Variants in LRRC34 observed in about 807,000 individuals in gnomAD.
LRRC34 encodes leucine rich repeat containing 34, also known as leucine-rich repeat-containing protein 34.
In LRRC34, 44 loss-of-function variants were observed where a neutral mutation model predicts 48.5. The ratio of observed to expected loss-of-function variants is 0.91; its 90% CI spans 0.71 to 1.17. LRRC34 has a LOEUF of 1.17. Ranked by LOEUF, LRRC34 falls within the 50% of genes most tolerant of loss-of-function variation. The pLI is 0.00. For synonymous variants in LRRC34, 192 were observed against 197.6 expected, an observed-to-expected ratio of 0.97 and a Z score of 0.24; for missense variants, 502 against 563.0, an observed-to-expected ratio of 0.89 and a Z score of 1.10.
chr3:169,801,347 G>C (rs1779181661), intron 6 of LRRC34, among the ~76,000 whole-genome samples: 1 of 152,014 alleles, frequency 6.6e-6, no homozygotes, highest in South Asian at 2.1e-4. Flanking sequence ...AGATTCTGCT[G>C]CCTCCAAAAG....
chr3:169,810,661 C>T (rs10936601), intron 1 of LRRC34, among the ~76,000 whole-genome samples: 56,279 of 152,080 alleles, frequency 0.37, 11,771 homozygotes, highest in East Asian at 0.68. Context: ...TCAAGTAAGT[C>T]TGAGAAGTAC....
In LRRC34 at chr3:169,793,033, A is replaced by C. The variant is rs1778849128; in HGVS notation, c.*602T>G. Among the ~76,000 whole-genome samples the C allele has an allele frequency of 6.6e-6, 1 of 152,196 alleles. No homozygotes were observed. On this transcript the variant is annotated 3_prime_UTR_variant, in exon 11 of 11. Coordinates refer to ENST00000446859, the MANE Select transcript of LRRC34 (RefSeq NM_001172779.2). ...TATACTGTATGCTTCCATTTATATA[A>C]AGGTCAAGAACAGGCAAAACTACTC...
At chr3:169,805,642 T>G (rs1779342607) in intron 5 of LRRC34, among the ~76,000 whole-genome samples, 1 of 152,064 alleles carries the variant, frequency 6.6e-6, no homozygotes, top group South Asian at 2.1e-4. Context: ...CCCAGCACTT[T>G]GGGAGGCCGA....
chr3:169,811,898 A>G (rs886251669), intron 1 of LRRC34, among the ~76,000 whole-genome samples: 63 of 152,184 alleles, frequency 4.1e-4, no homozygotes, highest in African/African-American at 1.3e-3. Flanking sequence ...AAACCAGCAT[A>G]TAAAACGGAA....
chr3:169,802,955 T>A (rs1449870631), intron 6 of LRRC34, among the ~76,000 whole-genome samples: 1 of 151,366 alleles, frequency 6.6e-6, no homozygotes, highest in Non-Finnish European at 1.5e-5. Flanking sequence ...CCAGCCTGGG[T>A]GACAAGAGTG....
At position 169,804,180 on chromosome 3, in the gene LRRC34, T is replaced by G. The variant is rs754723341; in HGVS notation, c.530A>C (p.Lys177Thr). Reference protein sequence around the residue: ...GGELIAKVLHKNRTLKYLRMT... With the variant: ...GGELIAKVLHTNRTLKYLRMT... ...TCTTAGGTATTTCAGAGTCCGATTCTTCTGAAAAGGAAAAAAAACTTATTT... is the reference window on the plus strand; with the variant it reads ...TCTTAGGTATTTCAGAGTCCGATTCGTCTGAAAAGGAAAAAAAACTTATTT... The change falls in exon 6 of 11, where the codon AAG becomes ACG. Residue 177 changes from lysine to threonine, a missense_variant and splice_region_variant. By Grantham distance (78) the Lys-to-Thr change is moderately conservative (BLOSUM62 -1). Transcript: ENST00000446859. 2 of 1,572,318 alleles carry G rather than the reference T, an allele frequency of 1.3e-6. No individual in the cohort carries two copies. Among genetic ancestry groups the G allele is most frequent in the African/African-American group, 2.7e-5 (2 of 72,908 alleles).
At position 169,812,614 on chromosome 3, in the gene LRRC34, G is replaced by C; in HGVS notation, c.-66C>G. The C allele has an allele frequency of 7.1e-7, 1 of 1,409,994 alleles. No individual in the cohort carries two copies. Among genetic ancestry groups the C allele is most frequent in the East Asian group, 2.9e-5 (1 of 34,408 alleles). 87.3% of individuals were successfully genotyped at this position (1,409,994 alleles called of 1,614,324 possible). ...GGCGGCTACACGAGCCTCGGCGCCAGCCTGCTTCGAGTCCCGCTGGCTGTG... is the reference window on the plus strand; with the variant it reads ...GGCGGCTACACGAGCCTCGGCGCCACCCTGCTTCGAGTCCCGCTGGCTGTG... On this transcript the variant is annotated 5_prime_UTR_variant, in exon 1 of 11. Coordinates refer to ENST00000446859, the MANE Select transcript of LRRC34 (RefSeq NM_001172779.2). This position sits in a 1 kb window ranked among gnomAD's most constrained non-coding sequence, Gnocchi z 4.3.
chr3:169,802,271 A>T (rs561888626), intron 6 of LRRC34, among the ~76,000 whole-genome samples: 1 of 152,224 alleles, frequency 6.6e-6, no homozygotes, highest in African/African-American at 2.4e-5. Flanking sequence ...AAATTACCTC[A>T]CTCTGCACCA....
chr3:169,810,646 T>C (rs553490246), intron 1 of LRRC34, among the ~76,000 whole-genome samples: 92 of 152,354 alleles, frequency 6.0e-4, no homozygotes, highest in African/African-American at 2.1e-3. Context: ...GAATAGGTCT[T>C]ATTATCAAGT....
chr3:169,795,999 A>G, intron 9 of LRRC34: 1 of 1,239,318 alleles, frequency 8.1e-7, no homozygotes, highest in Non-Finnish European at 1.0e-6. Context: ...AAATTTTCTC[A>G]TTAATTTGAA....
chr3:169,807,522 A>G (rs991183248), intron 3 of LRRC34, 32 bp from the exon 4 acceptor site: 1 of 1,612,580 alleles, frequency 6.2e-7, no homozygotes, highest in Admixed American at 1.7e-5. Flanking sequence ...GTGGATATTC[A>G]TTATAAAGAA....
Position 169,793,606 on chromosome 3 carries a change from T to A in LRRC34, c.*29A>T. On this transcript the variant is annotated 3_prime_UTR_variant, in exon 11 of 11. Transcript: ENST00000446859. ...AATCTCTGTGAAACAATAAGACAAG[T>A]GTATGAAAATTATTTTACAGCTACT... The A allele has an allele frequency of 6.8e-7, 1 of 1,479,274 alleles. No homozygotes were observed. Among genetic ancestry groups the A allele is most frequent in the Non-Finnish European group, 9.4e-7 (1 of 1,062,836 alleles). The allele number at this position is 1,479,274 out of a possible 1,614,324, so 91.6% of individuals were successfully genotyped here.
At chr3:169,811,959 T>C (rs1466787827) in intron 1 of LRRC34, among the ~76,000 whole-genome samples, 5 of 152,084 alleles carry the variant, frequency 3.3e-5, no homozygotes, top group African/African-American at 9.6e-5. Context: ...TTGCTAATCA[T>C]GGGCGCAGAA....
At chr3:169,796,183 T>A (rs973892490) in intron 9 of LRRC34, 31 bp downstream of exon 9, 2 of 1,558,386 alleles carry the variant, frequency 1.3e-6, no homozygotes. Context: ...TGCTTTTCTG[T>A]TATTTTGATT....
chr3:169,799,855 G>C (rs1331212451), intron 7 of LRRC34, among the ~76,000 whole-genome samples: 1 of 152,122 alleles, frequency 6.6e-6, no homozygotes, highest in Non-Finnish European at 1.5e-5. Flanking sequence ...TGGGATTACA[G>C]GCACCTGCCA....
intron 1 of LRRC34, among the ~76,000 whole-genome samples, chr3:169,809,243 G>A (rs550535128): frequency 1.4e-5 from 2 of 139,538 alleles, no homozygotes; most frequent in African/African-American, 2.7e-5. Context: ...CAGCATCCAC[G>A]AGAGGAAAAG....
In LRRC34 at chr3:169,804,061, A is replaced by C. The variant is rs899182206; in HGVS notation, c.649T>G (p.Cys217Gly). ...ATAACCAGTTTACTCACCAGATCAC[A>C]GTCACCCAGATCTAATTTCTCTAAT... is the stretch of plus-strand genomic sequence containing the variant. ...SSLEKLDLGD[C>G]DLGMQSVIAF... Residue 217 changes from cysteine to glycine, a missense_variant, in exon 6 of 11, where the codon TGT becomes GGT. Physicochemically the swap from Cys to Gly is radical, Grantham distance 159 (BLOSUM62 -3). Transcript: ENST00000446859. 1 of 1,586,834 alleles carries C rather than the reference A, an allele frequency of 6.3e-7. No individual in the cohort carries two copies.
rs756073051 is a variant in LRRC34 at position 169,796,839 on chromosome 3, G to A, written c.814C>T (p.His272Tyr). ...TTTTTTATATCATGCTTACACATGT[G>A]TAGTGCAACAAGACAGTGATTTTCT... ...LKENHCLVAL[H>Y]MCKHDIKNSG... is the part of the protein sequence containing the mutation. The change falls in exon 8 of 11, where the codon CAC (histidine) becomes TAC (tyrosine). Residue 272 changes from histidine (H) to tyrosine (Y), a missense_variant. Coordinates refer to ENST00000446859, the MANE Select transcript of LRRC34 (RefSeq NM_001172779.2). 9 of 1,610,192 alleles carry A rather than the reference G, an allele frequency of 5.6e-6. No individual in the cohort carries two copies. In the East Asian group the frequency reaches 6.7e-5, roughly 12 times the overall value.
intron 5 of LRRC34, among the ~76,000 whole-genome samples, chr3:169,806,231 G>A (rs907341083): frequency 6.6e-6 from 1 of 152,138 alleles, no homozygotes; most frequent in Non-Finnish European, 1.5e-5. Context: ...ATATACACAT[G>A]CAAAAGAATA....
Sources: gnomAD v4.1 joint callset for allele counts (sites outside exome capture counted in the v4.1 genomes callset) on GRCh38, gnomAD v4.1.1 for gene constraint, Gnocchi (gnomAD v3.1) non-coding constraint, MANE v1.5 for transcripts, NCBI Gene and HGNC (gene_info 2026-07-23, HGNC 2026-07-21) for gene names.